GALNT15: variants seen among roughly 807,000 people sequenced by gnomAD.
GALNT15 encodes UDP-GalNAc transferase T15.
In GALNT15, 67 loss-of-function variants were observed where a neutral mutation model predicts 66.8. That is an observed-to-expected ratio of 1.00 (90% CI 0.82 to 1.23). The LOEUF is 1.23. Among genes scored for constraint, GALNT15 ranks in the 50% most tolerant of loss-of-function variants. The pLI is 0.00. For synonymous variants in GALNT15, 313 were observed against 311.5 expected (o/e 1.00, Z -0.05); for missense variants, 827 against 804.3 (o/e 1.03, Z -0.34).
downstream of GALNT15, among the ~76,000 whole-genome samples, chr3:16,236,237 A>T (rs541617093): frequency 1.3e-5 from 2 of 152,202 alleles, no homozygotes; most frequent in South Asian, 4.1e-4. Flanking sequence ...GCCAATCAGG[A>T]TATTTCAAAA....
At chr3:16,237,209 A>G in the GALNT15 span, among the ~76,000 whole-genome samples, 1 of 152,334 alleles carries the variant, frequency 6.6e-6, no homozygotes, top group Non-Finnish European at 1.5e-5. This position sits in a 1 kb window ranked among gnomAD's most constrained non-coding sequence, Gnocchi z 4.2. Flanking sequence ...CAAGCCAAGG[A>G]AAGGGACTTC....
At chr3:16,240,565 T>C in the GALNT15 span, among the ~76,000 whole-genome samples, 1 of 152,248 alleles carries the variant, frequency 6.6e-6, no homozygotes, top group African/African-American at 2.4e-5. Context: ...TAGACCTATA[T>C]TTGTAAATAA....
rs994167706 is a variant in GALNT15 at position 16,200,118 on chromosome 3, A to G, written c.707-501A>G. ...TTACATGGCAGCAAGTGAGAGAAAG[A>G]GAGAGAGAGAGGAGGAAAAACTATC... On this transcript the variant is annotated intron_variant, in intron 2 of 9. Transcript: ENST00000339732. This position sits in a 1 kb window ranked among gnomAD's most constrained non-coding sequence, Gnocchi z 4.4. Among the ~76,000 whole-genome samples, 1 of 151,638 alleles carries G rather than the reference A, an allele frequency of 6.6e-6. No homozygotes were observed. The highest frequency in any genetic ancestry group is 2.4e-5 in the African/African-American group (1 of 41,312).
intron 4 of GALNT15, 126 bp downstream of exon 4, chr3:16,208,796 C>T (rs2063784226): frequency 1.2e-6 from 1 of 841,378 alleles, no homozygotes; most frequent in Admixed American, 2.4e-5. Context: ...GCCACAGTTT[C>T]CTTTTCAGTA....
At position 16,180,699 on chromosome 3, in the gene GALNT15, G is replaced by A. The variant is rs1237922097; in HGVS notation, c.539+5009G>A. 6.6e-6 allele frequency among the ~76,000 whole-genome samples: 1 copy of A among 152,238 alleles called. No homozygotes were observed. The highest frequency in any genetic ancestry group is 2.4e-5 in the African/African-American group (1 of 41,468). On this transcript the variant is annotated intron_variant, in intron 1 of 9. Coordinates refer to ENST00000339732, the MANE Select transcript of GALNT15 (RefSeq NM_054110.5). The surrounding 1 kb of genome is among the most constrained non-coding windows in gnomAD (Gnocchi z 5.0). ...CACGTAGGAAGCAATACTAGAGTCA[G>A]AAAATAGAAAAGAGAGCAGAGAGGA... is the stretch of plus-strand genomic sequence containing the variant.
Position 16,227,818 on chromosome 3 carries a change from G to T in GALNT15, c.*318G>T. 1 of 1,091,752 alleles carries T rather than the reference G, an allele frequency of 9.2e-7. No homozygotes were observed. The highest frequency in any genetic ancestry group is 1.1e-6 in the Non-Finnish European group (1 of 898,278). The allele number at this position is 1,091,752 out of a possible 1,614,324, so 67.6% of individuals were successfully genotyped here. The stretch of plus-strand genomic sequence containing the variant: ...TTAACAATTGCTTTCTCTCTGGCCT[G>T]GACATTCTCTGGCAGCACCTCCAGG... On this transcript the variant is annotated 3_prime_UTR_variant, in exon 10 of 10. Coordinates refer to ENST00000339732, the MANE Select transcript of GALNT15 (RefSeq NM_054110.5). This position sits in a 1 kb window ranked among gnomAD's most constrained non-coding sequence, Gnocchi z 4.5.
rs945299710 is a variant in GALNT15, at chr3:16,200,966, G to A, written c.911+143G>A. The A allele has an allele frequency of 1.7e-6, 1 of 599,454 alleles. No individual in the cohort carries two copies. The highest frequency in any genetic ancestry group is 2.7e-6 in the Non-Finnish European group (1 of 370,352). 37.1% of individuals were successfully genotyped at this position (599,454 alleles called of 1,614,324 possible). ...ATATTCCCTTCGGGTTTTCAGATGT[G>A]TAAGTTTTTTAAGACTATAGAGTTA... On this transcript the variant is annotated intron_variant, in intron 3 of 9. Transcript: ENST00000339732. This position sits in a 1 kb window ranked among gnomAD's most constrained non-coding sequence, Gnocchi z 4.4.
chr3:16,230,594 G>GA (rs1164815428), downstream of GALNT15, among the ~76,000 whole-genome samples: 2 of 151,356 alleles, frequency 1.3e-5, no homozygotes, highest in Non-Finnish European at 2.9e-5. This position sits in a 1 kb window ranked among gnomAD's most constrained non-coding sequence, Gnocchi z 4.5. Context: ...AAAAAGAAAA[G>GA]AAAAAAACAA....
rs2063489275 is a variant in GALNT15, at chr3:16,183,500, C to T, written c.539+7810C>T. Among the ~76,000 whole-genome samples the T allele has an allele frequency of 6.6e-6, 1 of 152,226 alleles. No homozygotes were observed. The highest frequency in any genetic ancestry group is 2.1e-4 in the South Asian group (1 of 4,834). On this transcript the variant is annotated intron_variant, in intron 1 of 9. Coordinates refer to ENST00000339732, the MANE Select transcript of GALNT15 (RefSeq NM_054110.5). This position sits in a 1 kb window ranked among gnomAD's most constrained non-coding sequence, Gnocchi z 5.2. ...TCTTGACAACCAACTTACACACTTC[C>T]TGAGAACAAGTTCAGTGTCTTTCTT... is the stretch of plus-strand genomic sequence containing the variant.
At chr3:16,235,176 G>A (rs1264576961), downstream of GALNT15, among the ~76,000 whole-genome samples, 1 of 152,084 alleles carries the variant, frequency 6.6e-6, no homozygotes, top group Non-Finnish European at 1.5e-5. Flanking sequence ...ACCTGCCTTG[G>A]CCTCCCAAAG....
chr3:16,204,212 C>G lies in GALNT15; in HGVS notation c.911+3389C>G, dbSNP rs1435951933. 2.6e-5 allele frequency among the ~76,000 whole-genome samples: 4 copies of G among 152,122 alleles called. No homozygotes were observed. Among genetic ancestry groups the G allele is most frequent in the African/African-American group, 9.7e-5 (4 of 41,410 alleles). ...TCCCTGCCTAGCAGGTTCCCACTAGCCATGTGGCAACTTTATTTGAATTGG... is the reference window on the plus strand; with the variant it reads ...TCCCTGCCTAGCAGGTTCCCACTAGGCATGTGGCAACTTTATTTGAATTGG... On this transcript the variant is annotated intron_variant, in intron 3 of 9. Coordinates refer to ENST00000339732, the MANE Select transcript of GALNT15 (RefSeq NM_054110.5). This position sits in a 1 kb window ranked among gnomAD's most constrained non-coding sequence, Gnocchi z 4.5.
intron 1 of GALNT15, among the ~76,000 whole-genome samples, chr3:16,178,277 G>C (rs1326580776): frequency 6.6e-6 from 1 of 152,266 alleles, no homozygotes; most frequent in Non-Finnish European, 1.5e-5. Context: ...GTGTGTGTTT[G>C]ATGTGCACGT....
intron 6 of GALNT15, among the ~76,000 whole-genome samples, chr3:16,212,965 A>T (rs1490689631): frequency 6.6e-6 from 1 of 152,132 alleles, no homozygotes; most frequent in Non-Finnish European, 1.5e-5. Context: ...GGGACAGCAC[A>T]GCTGGCCTTG....
intron 2 of GALNT15, among the ~76,000 whole-genome samples, chr3:16,199,171 G>A (rs1318236757): frequency 2.1e-5 from 3 of 141,780 alleles, no homozygotes; most frequent in Non-Finnish European, 4.7e-5. Context: ...CATCTCCACT[G>A]GCTTGTTCCT....
intron 8 of GALNT15, among the ~76,000 whole-genome samples, chr3:16,220,409 A>G (rs1410979175): frequency 6.6e-6 from 1 of 152,188 alleles, no homozygotes; most frequent in Non-Finnish European, 1.5e-5. Flanking sequence ...CAGGATAAGG[A>G]TCTAGAGAAA....
chr3:16,199,229 C>A lies in GALNT15; in HGVS notation c.707-1390C>A, dbSNP rs138876753. On this transcript the variant is annotated intron_variant, in intron 2 of 9. Coordinates refer to ENST00000339732, the MANE Select transcript of GALNT15 (RefSeq NM_054110.5). ...ATGCACACACACACACACATGCACT[C>A]ACACACACAATCAAGTTATTCTTAT... Among the ~76,000 whole-genome samples the A allele has an allele frequency of 5.7e-5, 8 of 141,344 alleles. 2 individuals are homozygous for A. Among genetic ancestry groups the A allele is most frequent in the African/African-American group, 2.1e-4 (8 of 37,400 alleles). 92.7% of individuals were successfully genotyped at this position (141,344 alleles called of 152,430 possible).
At chr3:16,199,008 T>G (rs2063671174) in intron 2 of GALNT15, among the ~76,000 whole-genome samples, 1 of 142,660 alleles carries the variant, frequency 7.0e-6, no homozygotes, top group Admixed American at 7.1e-5. Flanking sequence ...GTGCCTACTG[T>G]GGGCCAGGCC....
At chr3:16,194,899 G>C (rs1228124067) in intron 1 of GALNT15, among the ~76,000 whole-genome samples, 2 of 152,108 alleles carry the variant, frequency 1.3e-5, no homozygotes, top group African/African-American at 2.4e-5. Flanking sequence ...CTAGGTGATG[G>C]GTTGATGGTG....
downstream of GALNT15, among the ~76,000 whole-genome samples, chr3:16,232,345 C>T (rs909843243): frequency 9.3e-5 from 14 of 151,116 alleles, no homozygotes; most frequent in African/African-American, 2.9e-4. Flanking sequence ...ACAGGAGGAT[C>T]GCTTGAGCCC....
Sources: gnomAD v4.1 joint callset for allele counts (sites outside exome capture counted in the v4.1 genomes callset) on GRCh38, gnomAD v4.1.1 for gene constraint, Gnocchi (gnomAD v3.1) non-coding constraint, MANE v1.5 for transcripts, NCBI Gene and HGNC (gene_info 2026-07-23, HGNC 2026-07-21) for gene names.